Variants in NBDY observed in about 807,000 individuals in gnomAD.
NBDY encodes the protein P-body dissociating protein.
chrX:56,736,048 C>CT (rs773039529), intron 2 of NBDY, among the ~76,000 whole-genome samples: 209 of 110,405 alleles, frequency 1.9e-3, no homozygotes, highest in Non-Finnish European at 1.8e-3. Flanking sequence ...TTTCTCGTTG[C>CT]TTTACAAATT....
At chrX:56,785,012 A>C (rs917720541) in intron 2 of NBDY, among the ~76,000 whole-genome samples, 1 of 111,620 alleles carries the variant, frequency 9.0e-6, no homozygotes, top group Non-Finnish European at 1.9e-5. Context: ...TGTAGGCCGC[A>C]CTGGGAATGA....
At chrX:56,793,110 C>A (rs1410880788) in intron 2 of NBDY, among the ~76,000 whole-genome samples, 1 of 111,800 alleles carries the variant, frequency 8.9e-6, no homozygotes, top group Admixed American at 9.4e-5. Context: ...GAGGGAGACT[C>A]CGGGATTCTG....
chrX:56,747,107 C>T (rs766375793), intron 2 of NBDY, among the ~76,000 whole-genome samples: 9 of 112,066 alleles, frequency 8.0e-5, no homozygotes, highest in Non-Finnish European at 1.7e-4. Flanking sequence ...CATAACCTGA[C>T]ACCGAGTGTG....
At chrX:56,765,413 C>T (rs1171431842) in intron 2 of NBDY, among the ~76,000 whole-genome samples, 1 of 112,554 alleles carries the variant, frequency 8.9e-6, no homozygotes, top group Non-Finnish European at 1.9e-5. Context: ...GTTCAGCCAG[C>T]ACCTGTGTTC....
intron 2 of NBDY, chrX:56,737,563 CT>C: frequency 1.3e-6 from 1 of 771,025 alleles, no homozygotes; most frequent in South Asian, 2.4e-5. Flanking sequence ...CTGAAATGGC[CT>C]GCTTGCCAGC....
At chrX:56,814,882 G>A (rs1016933350) in intron 2 of NBDY, among the ~76,000 whole-genome samples, 2 of 110,028 alleles carry the variant, frequency 1.8e-5, no homozygotes, top group Non-Finnish European at 3.8e-5. Flanking sequence ...AAATGTGATA[G>A]TAAGAAATGT....
chrX:56,787,242 C>T (rs1170792465), intron 2 of NBDY, among the ~76,000 whole-genome samples: 1 of 110,720 alleles, frequency 9.0e-6, no homozygotes, highest in East Asian at 2.8e-4. Context: ...ATCACAAACA[C>T]ACATGCACAC....
chrX:56,802,107 C>G (rs1038230104), intron 2 of NBDY, among the ~76,000 whole-genome samples: 1 of 111,496 alleles, frequency 9.0e-6, no homozygotes, highest in Non-Finnish European at 1.9e-5. Flanking sequence ...AGACTGCCCA[C>G]GAACTCTCCC....
intron 2 of NBDY, among the ~76,000 whole-genome samples, chrX:56,764,563 G>T (rs777482166): frequency 2.7e-5 from 3 of 110,574 alleles, no homozygotes; most frequent in Non-Finnish European, 5.7e-5. Context: ...GCAGAAGGCA[G>T]GTGTCCGTGC....
intron 2 of NBDY, among the ~76,000 whole-genome samples, chrX:56,746,469 T>C (rs1456023048): frequency 9.0e-6 from 1 of 111,225 alleles, no homozygotes; most frequent in African/African-American, 3.3e-5. Flanking sequence ...CATAACAAAA[T>C]GATCACAAAT....
At chrX:56,766,737 C>A (rs1445314044) in intron 2 of NBDY, among the ~76,000 whole-genome samples, 1 of 111,882 alleles carries the variant, frequency 8.9e-6, no homozygotes, top group Non-Finnish European at 1.9e-5. Context: ...GCTCAAGCAG[C>A]AGGCATGAAA....
chrX:56,805,689 C>G (rs776668935), intron 2 of NBDY, among the ~76,000 whole-genome samples: 1 of 112,034 alleles, frequency 8.9e-6, no homozygotes, highest in Non-Finnish European at 1.9e-5. Flanking sequence ...GCTGATGGCT[C>G]TTCCTCCTCT....
In NBDY at chrX:56,731,014, A is replaced by G. The variant is rs781076531; in HGVS notation, c.*30-1049A>G. Among the ~76,000 whole-genome samples the G allele has an allele frequency of 2.7e-5, 3 of 111,448 alleles. No homozygotes were observed. The East Asian group carries it at 8.5e-4, about 31-fold the overall frequency. On this transcript the variant is annotated intron_variant, in intron 1 of 2. Transcript: ENST00000374922. ...GATGGATGGCCAAGGCATAGTGCCT[A>G]GTACATAATAGGAGTGAAACAGATA...
intron 2 of NBDY, among the ~76,000 whole-genome samples, chrX:56,753,650 A>C (rs1475789437): frequency 8.9e-6 from 1 of 111,919 alleles, no homozygotes; most frequent in Non-Finnish European, 1.9e-5. Context: ...TGACAAAAAA[A>C]AGTAAAAAAG....
At chrX:56,789,378 A>G (rs764829855) in intron 2 of NBDY, among the ~76,000 whole-genome samples, 1 of 111,613 alleles carries the variant, frequency 9.0e-6, no homozygotes, top group South Asian at 3.8e-4. Context: ...GGGCAGTATG[A>G]TGGGGTACAG....
chrX:56,799,592 G>A (rs887489433), intron 2 of NBDY, among the ~76,000 whole-genome samples: 23 of 113,210 alleles, frequency 2.0e-4, no homozygotes, highest in African/African-American at 6.1e-4. Context: ...GCACATCCTC[G>A]CTGATATCTG....
chrX:56,784,495 T>C (rs1376575361), intron 2 of NBDY, among the ~76,000 whole-genome samples: 1 of 111,979 alleles, frequency 8.9e-6, no homozygotes, highest in Non-Finnish European at 1.9e-5. Context: ...TGACTGAGCA[T>C]GCGTGCTCAC....
At chrX:56,764,702 C>CAAAAAAAAAAAAAAAAAAAAAAAAAA (rs10623590) in intron 2 of NBDY, among the ~76,000 whole-genome samples, 1 of 60,801 alleles carries the variant, frequency 1.6e-5, no homozygotes, top group Non-Finnish European at 3.1e-5. Flanking sequence ...AAACAAACAC[C>CAAAAAAAAAAAAAAAAAAAAAAAAAA]AAAAAAAAAA....
intron 2 of NBDY, among the ~76,000 whole-genome samples, chrX:56,736,353 C>T (rs189615442): frequency 8.4e-4 from 94 of 112,125 alleles, no homozygotes; most frequent in Non-Finnish European, 1.4e-3. Flanking sequence ...CAGCCTCCGC[C>T]CCCCGGGGTC....
Sources: gnomAD v4.1 joint callset for allele counts (sites outside exome capture counted in the v4.1 genomes callset) on GRCh38, gnomAD v4.1.1 for gene constraint, MANE v1.5 for transcripts, NCBI Gene and HGNC (gene_info 2026-07-23, HGNC 2026-07-21) for gene names.